The following LARP1 variants were observed in gnomAD, a reference collection of about 807,000 sequenced individuals.
LARP1 encodes la-related protein 1.
In LARP1, 36 loss-of-function variants were observed where a neutral mutation model predicts 122.7. The observed-to-expected ratio is 0.29, with a 90% CI of 0.22 to 0.39. LARP1 has a LOEUF of 0.39. Among genes scored for constraint, LARP1 ranks in the 10% least tolerant of loss-of-function variants. The pLI is 1.00. For synonymous variants in LARP1, 539 were observed against 528.7 expected, an observed-to-expected ratio of 1.02 and a Z score of -0.27; for missense variants, 1,040 against 1,403.6, an observed-to-expected ratio of 0.74 and a Z score of 4.14.
chr5:154,778,858 C>T (rs1425993299), intron 1 of LARP1, among the ~76,000 whole-genome samples: 1 of 152,172 alleles, frequency 6.6e-6, no homozygotes, highest in Admixed American at 6.5e-5. Context: ...ATACAGGGGA[C>T]ACCCAGTTAA....
chr5:154,747,612 G>A (rs936298396), intron 1 of LARP1, among the ~76,000 whole-genome samples: 11 of 152,048 alleles, frequency 7.2e-5, no homozygotes, highest in South Asian at 2.1e-4. Context: ...CAGGAGAATC[G>A]CTTGAACCTG....
chr5:154,730,310 T>A (rs1297410376), intron 1 of LARP1, among the ~76,000 whole-genome samples: 4 of 151,860 alleles, frequency 2.6e-5, no homozygotes, highest in African/African-American at 9.7e-5. Context: ...CACCTCAGCC[T>A]CCCGAGTAGC....
chr5:154,763,703 A>G (rs922211302), intron 1 of LARP1, among the ~76,000 whole-genome samples: 3 of 151,646 alleles, frequency 2.0e-5, no homozygotes, highest in African/African-American at 7.3e-5. Flanking sequence ...TCCTTTGACA[A>G]TTAAACACTG....
intron 15 of LARP1, among the ~76,000 whole-genome samples, chr5:154,807,623 C>T (rs1758890507): frequency 6.6e-6 from 1 of 152,022 alleles, no homozygotes; most frequent in Non-Finnish European, 1.5e-5. Context: ...TAATTATAGC[C>T]CACTGCAGTC....
chr5:154,799,770 G>C lies in LARP1; in HGVS notation c.1546+11G>C, dbSNP rs953745029. The C allele has an allele frequency of 6.2e-7, 1 of 1,614,156 alleles. No individual in the cohort carries two copies. Among genetic ancestry groups the C allele is most frequent in the Admixed American group, 1.7e-5 (1 of 60,034 alleles). ...ACCAAAAGGAGACAGGTAGGTACCT[G>C]CTGGCATGAAGATTGCCCTTGTCCT... On this transcript the variant is annotated intron_variant, in intron 9 of 18. Transcript: ENST00000518297.
Position 154,799,713 on chromosome 5 carries a change from C to T in LARP1, c.1500C>T (p.Leu500=). ...DYSQTDFSQL[L]NCPEFVPRQH... is the part of the protein sequence containing the mutation. ...CACAGACTGATTTCTCCCAGCTTCT[C>T]AACTGCCCTGAATTTGTTCCCCGTC... The change falls in exon 9 of 19, where the codon CTC becomes CTT. Residue 500 remains leucine (L), a synonymous_variant. Coordinates refer to ENST00000518297, the MANE Select transcript of LARP1 (RefSeq NM_033551.3). 1.9e-6 allele frequency: 3 copies of T among 1,614,238 alleles called. No homozygotes were observed. Among genetic ancestry groups the T allele is most frequent in the Non-Finnish European group, 1.7e-6 (2 of 1,180,052 alleles).
chr5:154,810,454 A>T (rs893500931), intron 16 of LARP1, among the ~76,000 whole-genome samples: 1 of 151,738 alleles, frequency 6.6e-6, no homozygotes, highest in Non-Finnish European at 1.5e-5. Context: ...GAAAAAAAAA[A>T]GATCTAAATC....
chr5:154,698,563 C>CTCCA (rs1174811611), intron 1 of LARP1, among the ~76,000 whole-genome samples: 1 of 152,174 alleles, frequency 6.6e-6, no homozygotes, highest in Non-Finnish European at 1.5e-5. Context: ...CACCACTGCA[C>CTCCA]TCCAGCCTGG....
intron 1 of LARP1, among the ~76,000 whole-genome samples, chr5:154,787,594 A>G (rs749575965): frequency 3.3e-5 from 5 of 152,044 alleles, no homozygotes; most frequent in Non-Finnish European, 7.4e-5. Context: ...CAAATCTATG[A>G]ATTTTAGATT....
intron 1 of LARP1, among the ~76,000 whole-genome samples, chr5:154,775,079 C>T (rs1225117061): frequency 6.6e-6 from 1 of 152,040 alleles, no homozygotes; most frequent in Non-Finnish European, 1.5e-5. Flanking sequence ...GAAGCCAGGG[C>T]AAGAGGATCA....
intron 1 of LARP1, among the ~76,000 whole-genome samples, chr5:154,789,601 G>A (rs1757183436): frequency 6.6e-6 from 1 of 152,164 alleles, no homozygotes; most frequent in Admixed American, 6.5e-5. Flanking sequence ...TTCTAAAAAT[G>A]GATGAACTTT....
chr5:154,688,063 A>T (rs921371730), intron 1 of LARP1, among the ~76,000 whole-genome samples: 1 of 152,132 alleles, frequency 6.6e-6, no homozygotes, highest in Non-Finnish European at 1.5e-5. Context: ...TAGGCCAAGA[A>T]GTGAGTTGCC....
chr5:154,804,791 G>A (rs1758627871), intron 14 of LARP1: 3 of 456,288 alleles, frequency 6.6e-6, no homozygotes, highest in East Asian at 6.9e-5. Flanking sequence ...GCCCCAGTGT[G>A]TGTTTCCTGT....
intron 1 of LARP1, chr5:154,757,425 C>T (rs1235146516): frequency 1.3e-5 from 2 of 151,752 alleles, no homozygotes; most frequent in Non-Finnish European, 2.9e-5. Flanking sequence ...CGCCCACTCT[C>T]CTCTCTCGGC....
intron 1 of LARP1, among the ~76,000 whole-genome samples, chr5:154,764,595 C>CAAAAAAAA (rs1158921641): frequency 2.2e-5 from 1 of 44,888 alleles, no homozygotes; most frequent in African/African-American, 1.0e-4. Context: ...GACCATGTCT[C>CAAAAAAAA]AAAAAAAAAA....
chr5:154,765,743 G>C (rs891462448), intron 1 of LARP1, among the ~76,000 whole-genome samples: 1 of 152,162 alleles, frequency 6.6e-6, no homozygotes, highest in African/African-American at 2.4e-5. Flanking sequence ...TTCGATACCT[G>C]ATTACGTTTG....
intron 1 of LARP1, among the ~76,000 whole-genome samples, chr5:154,731,462 C>G (rs1289795827): frequency 6.6e-6 from 1 of 152,138 alleles, no homozygotes; most frequent in Non-Finnish European, 1.5e-5. Flanking sequence ...TTTATACACC[C>G]CCTAGAGCAA....
intron 1 of LARP1, among the ~76,000 whole-genome samples, chr5:154,768,859 G>C (rs902234340): frequency 6.6e-6 from 1 of 152,154 alleles, no homozygotes; most frequent in Admixed American, 6.5e-5. Context: ...GTGATTACAG[G>C]CATGAACCAC....
chr5:154,794,656 A>T (rs916373035), intron 7 of LARP1, among the ~76,000 whole-genome samples: 3 of 152,148 alleles, frequency 2.0e-5, no homozygotes, highest in African/African-American at 7.2e-5. Context: ...TTGAATTCCT[A>T]TGAGCTGAGT....
Sources: gnomAD v4.1 joint callset for allele counts (sites outside exome capture counted in the v4.1 genomes callset) on GRCh38, gnomAD v4.1.1 for gene constraint, MANE v1.5 for transcripts, NCBI Gene and HGNC (gene_info 2026-07-23, HGNC 2026-07-21) for gene names.